The following RYR2 variants were observed in gnomAD, a reference collection of about 807,000 sequenced individuals.
RYR2 encodes the protein ryanodine receptor 2.
Under a neutral mutation model 601.1 loss-of-function variants are expected in RYR2, and 227 were observed. That is an observed-to-expected ratio of 0.38 (90% CI 0.34 to 0.42). RYR2 has a LOEUF of 0.42. Ranked by LOEUF, RYR2 falls within the 10% of genes least tolerant of loss-of-function variation. The probability of loss-of-function intolerance (pLI) is 1.00; values close to 1 mark genes in which losing one functional copy is unlikely to be tolerated. For missense variants in RYR2, 4,646 were observed against 6,156.5 expected (o/e 0.75, Z 8.21); for synonymous variants, 2,223 against 2,175.1 (o/e 1.02, Z -0.61).
chr1:237,300,518 A>T (rs1693244140), intron 2 of RYR2, among the ~76,000 whole-genome samples: 1 of 151,952 alleles, frequency 6.6e-6, no homozygotes, highest in Non-Finnish European at 1.5e-5. Context: ...ACCAAACACT[A>T]CTCTCGTCAT....
chr1:237,685,957 A>G (rs1405405122), intron 62 of RYR2, among the ~76,000 whole-genome samples: 1 of 152,250 alleles, frequency 6.6e-6, no homozygotes, highest in Non-Finnish European at 1.5e-5. Flanking sequence ...CAATACATGA[A>G]TCCACATTGT....
intron 25 of RYR2, among the ~76,000 whole-genome samples, chr1:237,539,352 C>G (rs368969361): frequency 2.0e-5 from 3 of 152,308 alleles, no homozygotes; most frequent in Non-Finnish European, 4.4e-5. Context: ...GATTCCTACA[C>G]GCAACCCTTG....
In RYR2 at chr1:237,700,490, G is replaced by GT. The variant is rs371120316; in HGVS notation, c.9367+36dup. On this transcript the variant is annotated intron_variant, in intron 65 of 104. Coordinates refer to ENST00000366574, the MANE Select transcript of RYR2 (RefSeq NM_001035.3). ...TATGTATGTAAATTTATATCTTGGA[G>GT]TTTTTTTTTTTTTAATCGAAATACC... is the stretch of plus-strand genomic sequence containing the variant. 181,183 of 847,528 alleles carry GT rather than the reference G, an allele frequency of 0.21. 173 individuals carry two copies. Among genetic ancestry groups the GT allele is most frequent in the East Asian group, 0.26 (6,768 of 25,746 alleles). 52.5% of individuals were successfully genotyped at this position (847,528 alleles called of 1,614,324 possible). A position where few individuals can be genotyped will look rare whatever the true frequency, so the allele number is the denominator to read the frequency against.
At chr1:237,130,637 A>C (rs1015394496) in intron 1 of RYR2, among the ~76,000 whole-genome samples, 1 of 152,002 alleles carries the variant, frequency 6.6e-6, no homozygotes, top group African/African-American at 2.4e-5. Flanking sequence ...GCTTGAACCC[A>C]GTGAGCTGAG....
At chr1:237,057,256 G>T (rs556821000) in intron 1 of RYR2, among the ~76,000 whole-genome samples, 6 of 152,078 alleles carry the variant, frequency 3.9e-5, no homozygotes, top group Admixed American at 3.9e-4. Context: ...TGTGATATCG[G>T]CTCACTGCAA....
rs117764091 is a variant in RYR2 at position 237,618,922 on chromosome 1, T to C, written c.5916+1436T>C. Among the ~76,000 whole-genome samples, 303 of 152,276 alleles carry C rather than the reference T, an allele frequency of 2.0e-3. 12 individuals are homozygous for C. In the East Asian group the frequency reaches 0.056, roughly 28 times the overall value. ...AAGGTTCACATCAGTACAGGTCTAATGAGGAACCAGAACTTTTTACCACTG... is the reference window on the plus strand; with the variant it reads ...AAGGTTCACATCAGTACAGGTCTAACGAGGAACCAGAACTTTTTACCACTG... On this transcript the variant is annotated intron_variant, in intron 38 of 104. Coordinates refer to ENST00000366574, the MANE Select transcript of RYR2 (RefSeq NM_001035.3).
intron 17 of RYR2, chr1:237,471,251 C>T (rs576390202): frequency 3.9e-5 from 6 of 152,512 alleles, no homozygotes; most frequent in East Asian, 1.9e-4. Flanking sequence ...GGCATTCACC[C>T]GTGGAAGCTT....
chr1:237,526,003 TATA>T (rs1228678685), intron 24 of RYR2, among the ~76,000 whole-genome samples: 2 of 151,534 alleles, frequency 1.3e-5, no homozygotes, highest in Admixed American at 6.6e-5. Flanking sequence ...TAATAATAAA[TATA>T]ATGATTTCTT....
chr1:237,164,948 T>C lies in RYR2; in HGVS notation c.49-105549T>C, dbSNP rs549045791. Among the ~76,000 whole-genome samples, 4 of 147,660 alleles carry C rather than the reference T, an allele frequency of 2.7e-5. No individual in the cohort carries two copies. In the South Asian group the frequency reaches 8.8e-4, roughly 32 times the overall value. On this transcript the variant is annotated intron_variant, in intron 1 of 104. Transcript: ENST00000366574. Reference sequence around the variant, plus strand: ...TTCAGAGAATTATTTGCTATGTAAATGATTTCAGATTTTGTGCTGTTTATT... The same window carrying C: ...TTCAGAGAATTATTTGCTATGTAAACGATTTCAGATTTTGTGCTGTTTATT...
chr1:237,375,901 A>G (rs1377770407), intron 7 of RYR2, among the ~76,000 whole-genome samples: 1 of 152,212 alleles, frequency 6.6e-6, no homozygotes, highest in African/African-American at 2.4e-5. Flanking sequence ...TCAAAACAAA[A>G]CAAGTCAGTG....
chr1:237,143,473 G>A (rs1216569217), intron 1 of RYR2, among the ~76,000 whole-genome samples: 1 of 152,200 alleles, frequency 6.6e-6, no homozygotes, highest in East Asian at 1.9e-4. Context: ...GCCTACAGCA[G>A]CCAGTGGCTG....
intron 10 of RYR2, among the ~76,000 whole-genome samples, chr1:237,390,680 T>C (rs892035627): frequency 6.6e-6 from 1 of 152,124 alleles, no homozygotes; most frequent in Non-Finnish European, 1.5e-5. Flanking sequence ...CGATGGCTAG[T>C]TATGATTGCA....
At chr1:237,550,061 A>G (rs1433955272) in intron 26 of RYR2, among the ~76,000 whole-genome samples, 1 of 152,198 alleles carries the variant, frequency 6.6e-6, no homozygotes. Flanking sequence ...AACCCAATGC[A>G]TATTTTTCAG....
At chr1:237,240,683 A>AAC (rs1558481255) in intron 1 of RYR2, among the ~76,000 whole-genome samples, 5 of 149,044 alleles carry the variant, frequency 3.4e-5, no homozygotes, top group Non-Finnish European at 7.4e-5. Context: ...AAAAAAAAAA[A>AAC]AAAAAACAGT....
At chr1:237,205,880 C>G (rs367692187) in intron 1 of RYR2, among the ~76,000 whole-genome samples, 1 of 152,128 alleles carries the variant, frequency 6.6e-6, no homozygotes, top group Non-Finnish European at 1.5e-5. Flanking sequence ...GGACCTGGAC[C>G]GGAGGCTTGG....
intron 62 of RYR2, among the ~76,000 whole-genome samples, chr1:237,682,110 A>C (rs1443020866): frequency 6.6e-6 from 1 of 152,146 alleles, no homozygotes. Flanking sequence ...TACCCTTAGA[A>C]CTATTCACTG....
At chr1:237,597,294 AT>A (rs3057358) in intron 34 of RYR2, among the ~76,000 whole-genome samples, 31,288 of 144,420 alleles carry the variant, frequency 0.22, 3,634 homozygotes, top group South Asian at 0.37. Context: ...AGTCCAGAGT[AT>A]TTTTTTTTTT....
chr1:237,816,978 G>A (rs1661910906), intron 100 of RYR2, among the ~76,000 whole-genome samples: 1 of 152,122 alleles, frequency 6.6e-6, no homozygotes, highest in African/African-American at 2.4e-5. Flanking sequence ...TCTGATATGA[G>A]GTTAGGCTTA....
chr1:237,099,027 G>A (rs1158039879), intron 1 of RYR2, among the ~76,000 whole-genome samples: 1 of 152,064 alleles, frequency 6.6e-6, no homozygotes, highest in East Asian at 1.9e-4. Flanking sequence ...TCACCTGCGG[G>A]GACAACAAGC....
Sources: gnomAD v4.1 joint callset for allele counts (sites outside exome capture counted in the v4.1 genomes callset) on GRCh38, gnomAD v4.1.1 for gene constraint, MANE v1.5 for transcripts, NCBI Gene and HGNC (gene_info 2026-07-23, HGNC 2026-07-21) for gene names.